The following SULT1C2 variants were observed in gnomAD, a reference collection of about 807,000 sequenced individuals.
The protein encoded by SULT1C2 is sulfotransferase 1C2.
Under a neutral mutation model 36.0 loss-of-function variants are expected in SULT1C2, and 27 were observed. That is an observed-to-expected ratio of 0.75 (90% CI 0.55 to 1.03). The LOEUF (loss-of-function observed/expected upper bound fraction) is 1.03, where lower values mean the gene tolerates loss of function less well. SULT1C2 is among the 50% of genes least tolerant of loss of function. The pLI is 0.00. For missense variants in SULT1C2, 395 were observed against 359.2 expected (o/e 1.10, Z -0.80); for synonymous variants, 121 against 116.0 (o/e 1.04, Z -0.27).
At position 108,308,514 on chromosome 2, in the gene SULT1C2, T is replaced by C. The variant is rs965105909; in HGVS notation, c.*50T>C. On this transcript the variant is annotated 3_prime_UTR_variant, in exon 8 of 8. Coordinates refer to ENST00000251481, the MANE Select transcript of SULT1C2 (RefSeq NM_001056.4). ...GTGGATGGCAAGAGTGCAAATACTA[T>C]CTTCAATCCTTCAGTCCCAGCCAGA... is the stretch of plus-strand genomic sequence containing the variant. The C allele has an allele frequency of 2.7e-6, 4 of 1,458,394 alleles. No individual in the cohort carries two copies. The African/African-American group carries it at 4.2e-5, about 15-fold the overall frequency. 90.3% of individuals were successfully genotyped at this position (1,458,394 alleles called of 1,614,324 possible). A position where few individuals can be genotyped will look rare whatever the true frequency, so the allele number is the denominator to read the frequency against.
intron 3 of SULT1C2, among the ~76,000 whole-genome samples, chr2:108,296,201 A>C (rs1342945675): frequency 6.6e-6 from 1 of 152,214 alleles, no homozygotes; most frequent in Non-Finnish European, 1.5e-5. Context: ...CAAGATTTCT[A>C]ATGAAGTATT....
At chr2:108,292,879 C>T (rs149272825) in intron 1 of SULT1C2, among the ~76,000 whole-genome samples, 66 of 152,236 alleles carry the variant, frequency 4.3e-4, no homozygotes, top group African/African-American at 1.5e-3. Flanking sequence ...CAATAGATGA[C>T]TGGGTAAACA....
intron 5 of SULT1C2, 132 bp from the exon 6 acceptor site, chr2:108,305,040 C>CAGA: frequency 9.8e-7 from 1 of 1,016,574 alleles, no homozygotes; most frequent in Non-Finnish European, 1.5e-6. Flanking sequence ...TCAAACAGAT[C>CAGA]AGAACCCTTA....
intron 2 of SULT1C2, among the ~76,000 whole-genome samples, 190 bp downstream of exon 2, chr2:108,294,008 T>C (rs899658035): frequency 1.3e-5 from 2 of 152,194 alleles, no homozygotes; most frequent in Non-Finnish European, 2.9e-5. Flanking sequence ...TACCATGCAC[T>C]GGTCTTGGGT....
At chr2:108,305,645 T>C (rs1677006016) in intron 7 of SULT1C2, 50 bp downstream of exon 7, 2 of 1,604,480 alleles carry the variant, frequency 1.2e-6, no homozygotes, top group East Asian at 4.5e-5. Context: ...TAACATCCTG[T>C]CTGCCTCTTA....
intron 3 of SULT1C2, among the ~76,000 whole-genome samples, chr2:108,297,073 ATG>A (rs1189672694): frequency 6.6e-6 from 1 of 152,150 alleles, no homozygotes; most frequent in Non-Finnish European, 1.5e-5. Flanking sequence ...ATGCATATGC[ATG>A]TGTGTGTGTG....
Position 108,304,639 on chromosome 2 carries a change from C to G in SULT1C2, c.441C>G (p.Asn147Lys). 2 of 1,613,972 alleles carry G rather than the reference C, an allele frequency of 1.2e-6. No individual in the cohort carries two copies. The highest frequency in any genetic ancestry group is 1.7e-6 in the Non-Finnish European group (2 of 1,179,946). The change falls in exon 5 of 8, where the codon AAC becomes AAG. Residue 147 changes from asparagine to lysine, a missense_variant. Asn to Lys is a moderately conservative substitution (Grantham distance 94, BLOSUM62 0). Coordinates refer to ENST00000251481, the MANE Select transcript of SULT1C2 (RefSeq NM_001056.4). ...CCTACTACCATTTCCAAAGGATGAA[C>G]CACATGCTTCCTGACCCTGGTACCT... ...MVSYYHFQRM[N>K]HMLPDPGTWE...
At chr2:108,298,479 T>G in intron 3 of SULT1C2, 1 of 202,106 alleles carries the variant, frequency 4.9e-6, no homozygotes, top group South Asian at 5.8e-5. Flanking sequence ...GCTCAAGCGA[T>G]CCTCCCATCT....
In SULT1C2 at chr2:108,308,355, C is replaced by A; in HGVS notation, c.782C>A (p.Thr261Asn). 6.2e-7 allele frequency: 1 copy of A among 1,605,686 alleles called. No homozygotes were observed. The highest frequency in any genetic ancestry group is 8.5e-7 in the Non-Finnish European group (1 of 1,177,772). Reference sequence around the variant, plus strand: ...TGTCTGGCCTTCCTTTTTCTAGGAACTGTGGGGGATTGGAAAAACCACTTC... The same window carrying A: ...TGTCTGGCCTTCCTTTTTCTAGGAAATGTGGGGGATTGGAAAAACCACTTC... ...QSISSFMRKG[T>N]VGDWKNHFTV... The change falls in exon 8 of 8, where the codon ACT becomes AAT. Residue 261 changes from threonine to asparagine, a missense_variant. By Grantham distance (65) the Thr-to-Asn change is moderately conservative (BLOSUM62 0). Coordinates refer to ENST00000251481, the MANE Select transcript of SULT1C2 (RefSeq NM_001056.4).
intron 5 of SULT1C2, among the ~76,000 whole-genome samples, 197 bp from the exon 6 acceptor site, chr2:108,304,975 G>T (rs1298956868): frequency 6.6e-6 from 1 of 152,146 alleles, no homozygotes; most frequent in Non-Finnish European, 1.5e-5. Context: ...CCACTTTAGG[G>T]ACGATGTTGG....
intron 3 of SULT1C2, chr2:108,300,393 A>G: frequency 5.8e-6 from 1 of 171,386 alleles, no homozygotes. Flanking sequence ...AAAATGAGAC[A>G]GTAGAAATCA....
At position 108,288,987 on chromosome 2, in the gene SULT1C2, G is replaced by C. The variant is rs946130593; in HGVS notation, c.-105G>C. 5 of 152,594 alleles carry C rather than the reference G, an allele frequency of 3.3e-5. No individual in the cohort carries two copies. Among genetic ancestry groups the C allele is most frequent in the African/African-American group, 1.2e-4 (5 of 41,440 alleles). The allele number at this position is 152,594 out of a possible 1,614,324, so 9.5% of individuals were successfully genotyped here. A position where few individuals can be genotyped will look rare whatever the true frequency, so the allele number is the denominator to read the frequency against. ...AGTAATTTGAGCCTCTGCAATTGCC[G>C]TCTGCTTCCTGTGAAAGTCCTTTCC... is the stretch of plus-strand genomic sequence containing the variant. On this transcript the variant is annotated 5_prime_UTR_variant, in exon 1 of 8. Coordinates refer to ENST00000251481, the MANE Select transcript of SULT1C2 (RefSeq NM_001056.4).
At chr2:108,293,972 A>G (rs1331699141) in intron 2 of SULT1C2, among the ~76,000 whole-genome samples, 154 bp downstream of exon 2, 1 of 152,152 alleles carries the variant, frequency 6.6e-6, no homozygotes, top group Non-Finnish European at 1.5e-5. Context: ...CTGATATCCG[A>G]GTTTTCCAGG....
rs976441035 is a variant in SULT1C2 at position 108,308,522 on chromosome 2, C to T, written c.*58C>T. On this transcript the variant is annotated 3_prime_UTR_variant, in exon 8 of 8. Transcript: ENST00000251481. Reference sequence around the variant, plus strand: ...CAAGAGTGCAAATACTATCTTCAATCCTTCAGTCCCAGCCAGAAGAATCTC... The same window carrying T: ...CAAGAGTGCAAATACTATCTTCAATTCTTCAGTCCCAGCCAGAAGAATCTC... The T allele has an allele frequency of 5.1e-6, 7 of 1,379,052 alleles. No homozygotes were observed. In the African/African-American group the frequency reaches 8.7e-5, roughly 17 times the overall value. 85.4% of individuals were successfully genotyped at this position (1,379,052 alleles called of 1,614,324 possible).
chr2:108,293,970 C>A (rs796537091), intron 2 of SULT1C2, 152 bp downstream of exon 2: 1 of 1,330,114 alleles, frequency 7.5e-7, no homozygotes, highest in Non-Finnish European at 1.0e-6. Context: ...GCCTGATATC[C>A]GAGTTTTCCA....
Position 108,294,252 on chromosome 2 carries a change from G to A in SULT1C2, c.175G>A (p.Val59Met). 4 of 1,613,874 alleles carry A rather than the reference G, an allele frequency of 2.5e-6. No individual in the cohort carries two copies. The highest frequency in any genetic ancestry group is 3.4e-6 in the Non-Finnish European group (4 of 1,179,874). The change falls in exon 3 of 8, where the codon GTG becomes ATG. Residue 59 changes from valine to methionine, a missense_variant. Val to Met is a conservative substitution (Grantham distance 21). Coordinates refer to ENST00000251481, the MANE Select transcript of SULT1C2 (RefSeq NM_001056.4). Reference protein sequence around the residue: ...KAGTTWIQEIVDMIEQNGDVE... With the variant: ...KAGTTWIQEIMDMIEQNGDVE... ...AGGGACAACGTGGATTCAGGAAATT[G>A]TGGATATGATTGAACAGAATGGGGA...
chr2:108,304,695 G>A lies in SULT1C2; in HGVS notation c.497G>A (p.Gly166Glu), dbSNP rs547819243. 9 of 1,611,804 alleles carry A rather than the reference G, an allele frequency of 5.6e-6. No homozygotes were observed. In the South Asian group the frequency reaches 8.8e-5, roughly 16 times the overall value. ...WEEYFETFIN[G>E]KVVWGSWFDH... ...GAGTATTTTGAAACCTTCATCAATGGAAAAGGTACGGGAACATCCTTCACA... is the reference window on the plus strand; with the variant it reads ...GAGTATTTTGAAACCTTCATCAATGAAAAAGGTACGGGAACATCCTTCACA... Residue 166 changes from glycine (G) to glutamate (E), a missense_variant, in exon 5 of 8, where the codon GGA becomes GAA. Physicochemically the swap from Gly to Glu is moderately conservative, Grantham distance 98. Coordinates refer to ENST00000251481, the MANE Select transcript of SULT1C2 (RefSeq NM_001056.4).
At chr2:108,307,029 A>G (rs980451223) in intron 7 of SULT1C2, among the ~76,000 whole-genome samples, 2 of 152,324 alleles carry the variant, frequency 1.3e-5, no homozygotes, top group Non-Finnish European at 2.9e-5. Flanking sequence ...TTTATAACAT[A>G]CAGATTTTTT....
At chr2:108,297,325 A>T (rs1366980285) in intron 3 of SULT1C2, among the ~76,000 whole-genome samples, 1 of 152,206 alleles carries the variant, frequency 6.6e-6, no homozygotes, top group East Asian at 1.9e-4. Flanking sequence ...TGTTGTCATT[A>T]CTAATTTTCT....
Sources: allele counts gnomAD v4.1 joint callset (sites outside exome capture counted in the v4.1 genomes callset), GRCh38; gene constraint gnomAD v4.1.1; transcripts MANE v1.5; gene names NCBI Gene and HGNC (gene_info 2026-07-23, HGNC 2026-07-21).